EHMT1: variants seen among roughly 807,000 people sequenced by gnomAD.
EHMT1 encodes the protein histone-lysine N-methyltransferase EHMT1.
EHMT1 carries 15 observed loss-of-function variants against 147.2 expected under a neutral mutation model. That is an observed-to-expected ratio of 0.10 (90% CI 0.07 to 0.16). The LOEUF (loss-of-function observed/expected upper bound fraction) is 0.16, where lower values mean the gene tolerates loss of function less well. Among genes scored for constraint, EHMT1 ranks in the 10% least tolerant of loss-of-function variants. The pLI is 1.00. For synonymous variants in EHMT1, 795 were observed against 709.6 expected, an observed-to-expected ratio of 1.12 and a Z score of -1.91; for missense variants, 1,587 against 1,772.4, an observed-to-expected ratio of 0.90 and a Z score of 1.88.
intron 25 of EHMT1, among the ~76,000 whole-genome samples, chr9:137,825,766 G>A (rs569661174): frequency 1.3e-5 from 2 of 152,262 alleles, no homozygotes; most frequent in Admixed American, 6.5e-5. Flanking sequence ...TTGTGTGTGT[G>A]TGCCCGTGTC....
At chr9:137,806,554 G>A (rs1297100316) in intron 18 of EHMT1, among the ~76,000 whole-genome samples, 2 of 151,920 alleles carry the variant, frequency 1.3e-5, no homozygotes, top group African/African-American at 2.4e-5. Context: ...TCCTGCCTCA[G>A]CCTCCTGAGT....
chr9:137,811,587 G>A lies in EHMT1; in HGVS notation c.2839G>A (p.Ala947Thr), dbSNP rs797045555. The A allele has an allele frequency of 6.9e-6, 11 of 1,604,524 alleles. No individual in the cohort carries two copies. Among genetic ancestry groups the A allele is most frequent in the South Asian group, 2.2e-5 (2 of 91,076 alleles). Residue 947 changes from alanine to threonine, a missense_variant, in exon 19 of 27, where the codon GCC (alanine) becomes ACC (threonine). Coordinates refer to ENST00000460843, the MANE Select transcript of EHMT1 (RefSeq NM_024757.5). ...CGGAGACTCGCCACTGCACATTGCC[G>A]CCCGGGAGAACCGCTACGACTGTGT... ...IHGDSPLHIA[A>T]RENRYDCVVL...
chr9:137,751,253 T>G (rs1363323121), intron 6 of EHMT1, among the ~76,000 whole-genome samples: 2 of 152,216 alleles, frequency 1.3e-5, no homozygotes, highest in African/African-American at 4.8e-5. Context: ...AAGGAAAAGA[T>G]GGACACCTTT....
rs191070435 is a variant in EHMT1, at chr9:137,755,694, A to G, written c.1369+1403A>G. On this transcript the variant is annotated intron_variant, in intron 8 of 26. Coordinates refer to ENST00000460843, the MANE Select transcript of EHMT1 (RefSeq NM_024757.5). ...CTGTTTTAGGTCCAGACAACACACA[A>G]GCATTCCAGTTCCCCTCTGTCCACG... is the stretch of plus-strand genomic sequence containing the variant. Among the ~76,000 whole-genome samples the G allele has an allele frequency of 4.3e-4, 66 of 152,348 alleles. No homozygotes were observed. In the South Asian group the frequency reaches 5.6e-3, roughly 13 times the overall value.
chr9:137,803,364 C>T lies in EHMT1; in HGVS notation c.2712+2380C>T, dbSNP rs569597910. 303 of 936,734 alleles carry T rather than the reference C, an allele frequency of 3.2e-4. 2 individuals are homozygous for T. The highest frequency in any genetic ancestry group is 2.8e-3 in the Middle Eastern group (5 of 1,796). 58.0% of individuals were successfully genotyped at this position (936,734 alleles called of 1,614,324 possible). On this transcript the variant is annotated intron_variant, in intron 18 of 26. Coordinates refer to ENST00000460843, the MANE Select transcript of EHMT1 (RefSeq NM_024757.5). ...CTGATGATCTTCAGGTGATCCTCCG[C>T]GCTTCACAGCCATGCCCAGCCCACC...
chr9:137,817,740 AGAAGGCGT>A, intron 24 of EHMT1: 2 of 659,134 alleles, frequency 3.0e-6, no homozygotes, highest in Non-Finnish European at 5.2e-6. Context: ...AGTGCATTTA[AGAAGGCGT>A]GGTCCAGTTA....
At chr9:137,829,040 G>A (rs1956017516) in intron 25 of EHMT1, among the ~76,000 whole-genome samples, 1 of 152,150 alleles carries the variant, frequency 6.6e-6, no homozygotes, top group Non-Finnish European at 1.5e-5. Context: ...CAGAGCCCGG[G>A]TGGGGCATCC....
chr9:137,641,464 A>G (rs1051747749), intron 1 of EHMT1: 7 of 503,610 alleles, frequency 1.4e-5, no homozygotes, highest in Non-Finnish European at 2.7e-5. Flanking sequence ...TCCTCCTCCC[A>G]AGCAGTGCAG....
At chr9:137,669,333 C>A (rs1277749959) in intron 1 of EHMT1, among the ~76,000 whole-genome samples, 1 of 34,034 alleles carries the variant, frequency 2.9e-5, no homozygotes, top group Non-Finnish European at 5.9e-5. Context: ...CCCCACAGCA[C>A]GTGGACCCCA....
chr9:137,792,801 A>G (rs570878995), intron 16 of EHMT1, among the ~76,000 whole-genome samples: 9 of 152,352 alleles, frequency 5.9e-5, no homozygotes, highest in East Asian at 5.8e-4. Flanking sequence ...GCTTTATGAC[A>G]CTGGATTTGA....
chr9:137,669,115 G>A (rs1214158181), intron 1 of EHMT1, among the ~76,000 whole-genome samples: 2 of 152,164 alleles, frequency 1.3e-5, no homozygotes, highest in African/African-American at 4.8e-5. Context: ...TTGAACTCCT[G>A]ATCTCAGGTG....
Position 137,813,246 on chromosome 9 carries a change from T to G in EHMT1, c.3035+73T>G, listed in dbSNP as rs1954637858. ...GGCTTTGGGAACTTGCGGTGAAAGC[T>G]GCTCCTGAAGCCGAAACATCCCCAG... On this transcript the variant is annotated intron_variant, in intron 20 of 26. Coordinates refer to ENST00000460843, the MANE Select transcript of EHMT1 (RefSeq NM_024757.5). This position sits in a 1 kb window ranked among gnomAD's most constrained non-coding sequence, Gnocchi z 4.9. 1 of 1,577,796 alleles carries G rather than the reference T, an allele frequency of 6.3e-7. No homozygotes were observed. Among genetic ancestry groups the G allele is most frequent in the South Asian group, 1.1e-5 (1 of 88,902 alleles).
At chr9:137,733,790 A>G (rs1459045499) in intron 4 of EHMT1, among the ~76,000 whole-genome samples, 1 of 152,218 alleles carries the variant, frequency 6.6e-6, no homozygotes, top group Non-Finnish European at 1.5e-5. Flanking sequence ...TGGGAGCCAG[A>G]CATTAAAGAC....
At position 137,836,105 on chromosome 9, in the gene EHMT1, TAAAA is replaced by T. The variant is rs891944334; in HGVS notation, c.*1158_*1161del. The stretch of plus-strand genomic sequence containing the variant: ...CTTGTTCTGTTTCCAATGAAATCAA[TAAAA>T]AAAAAGAAGTACTTTAAATGGGGTT... On this transcript the variant is annotated 3_prime_UTR_variant, in exon 27 of 27. Coordinates refer to ENST00000460843, the MANE Select transcript of EHMT1 (RefSeq NM_024757.5). The T allele has an allele frequency of 6.6e-6, 1 of 151,524 alleles. No individual in the cohort carries two copies. Among genetic ancestry groups the T allele is most frequent in the Non-Finnish European group, 1.5e-5 (1 of 67,730 alleles). The allele number at this position is 151,524 out of a possible 1,614,324, so 9.4% of individuals were successfully genotyped here.
At chr9:137,780,874 C>T (rs868746115) in intron 14 of EHMT1, among the ~76,000 whole-genome samples, 275 of 45,652 alleles carry the variant, frequency 6.0e-3, no homozygotes, top group Non-Finnish European at 6.7e-3. Flanking sequence ...GTGATGACGC[C>T]GGGATGTGTG....
chr9:137,697,844 C>T (rs1484398191), intron 1 of EHMT1, among the ~76,000 whole-genome samples: 3 of 152,224 alleles, frequency 2.0e-5, no homozygotes, highest in Non-Finnish European at 4.4e-5. Flanking sequence ...TCAGATGATT[C>T]TATCCATACA....
At chr9:137,637,176 C>T (rs1050636093) in intron 1 of EHMT1, among the ~76,000 whole-genome samples, 1 of 150,530 alleles carries the variant, frequency 6.6e-6, no homozygotes, top group South Asian at 2.1e-4. Context: ...GGATTACAGG[C>T]GTGAGCCACC....
chr9:137,668,349 T>C (rs1263920793), intron 1 of EHMT1, among the ~76,000 whole-genome samples: 1 of 139,704 alleles, frequency 7.2e-6, no homozygotes, highest in Non-Finnish European at 1.6e-5. Context: ...ACCCACCACC[T>C]GGCACATACA....
chr9:137,766,046 C>G (rs1044326627), intron 10 of EHMT1, among the ~76,000 whole-genome samples: 3 of 151,904 alleles, frequency 2.0e-5, no homozygotes, highest in Non-Finnish European at 4.4e-5. Context: ...TTGCTTGAGC[C>G]CAGGAGTTCA....
Sources: gnomAD v4.1 joint callset for allele counts (sites outside exome capture counted in the v4.1 genomes callset) on GRCh38, gnomAD v4.1.1 for gene constraint, Gnocchi (gnomAD v3.1) non-coding constraint, MANE v1.5 for transcripts, NCBI Gene and HGNC (gene_info 2026-07-23, HGNC 2026-07-21) for gene names.